CPSF4L: variants seen among roughly 807,000 people sequenced by gnomAD.
CPSF4L encodes putative cleavage and polyadenylation specificity factor subunit 4-like protein.
CPSF4L carries 18 observed loss-of-function variants against 24.0 expected under a neutral mutation model. The observed-to-expected ratio is 0.75, with a 90% CI of 0.52 to 1.11. CPSF4L has a LOEUF of 1.11. Among genes scored for constraint, CPSF4L ranks in the 50% least tolerant of loss-of-function variants. The probability of loss-of-function intolerance (pLI) is 0.00; values close to 1 mark genes in which losing one functional copy is unlikely to be tolerated. For synonymous variants in CPSF4L, 72 were observed against 77.2 expected (o/e 0.93, Z 0.35); for missense variants, 211 against 221.8 (o/e 0.95, Z 0.31).
intron 4 of CPSF4L, 25 bp from the exon 5 acceptor site, chr17:73,252,748 A>C: frequency 6.7e-7 from 1 of 1,492,430 alleles, no homozygotes; most frequent in South Asian, 1.2e-5. Flanking sequence ...GAAAGTGATG[A>C]GAAGGATCCG....
At chr17:73,245,040 T>C (rs2061927027), downstream of CPSF4L, 1 of 801,328 alleles carries the variant, frequency 1.2e-6, no homozygotes, top group African/African-American at 1.8e-5. Flanking sequence ...AACAAACTTC[T>C]CATTGTGCTT....
Position 73,252,829 on chromosome 17 carries a change from C to T in CPSF4L, c.404-106G>A, listed in dbSNP as rs1054661445. ...GGTGTGGATGGTCATAGGGGCTTCA[C>T]TTAATAGGGGTGGATAAATCTTCCC... On this transcript the variant is annotated intron_variant, in intron 4 of 5. Transcript: ENST00000344935. 6 of 666,594 alleles carry T rather than the reference C, an allele frequency of 9.0e-6. No individual in the cohort carries two copies. In the African/African-American group the frequency reaches 1.1e-4, roughly 12 times the overall value. The allele number at this position is 666,594 out of a possible 1,614,324, so 41.3% of individuals were successfully genotyped here. A position where few individuals can be genotyped will look rare whatever the true frequency, so the allele number is the denominator to read the frequency against.
At chr17:73,243,606 G>A (rs2061892044), downstream of CPSF4L, among the ~76,000 whole-genome samples, 1 of 143,110 alleles carries the variant, frequency 7.0e-6, no homozygotes, top group Non-Finnish European at 1.5e-5. Flanking sequence ...TCAGCTCACT[G>A]TAACCTCTGC....
downstream of CPSF4L, chr17:73,247,664 CAAGTTT>C: frequency 5.0e-6 from 1 of 200,028 alleles, no homozygotes; most frequent in Admixed American, 5.4e-5. Flanking sequence ...CTTGTATTGC[CAAGTTT>C]AAGGCAAAGG....
At chr17:73,262,708 T>A (rs2062052030), upstream of CPSF4L, among the ~76,000 whole-genome samples, 1 of 152,252 alleles carries the variant, frequency 6.6e-6, no homozygotes, top group South Asian at 2.1e-4. Context: ...CCCCTCCCCC[T>A]GCTCTGGCCC....
intron 2 of CPSF4L, among the ~76,000 whole-genome samples, chr17:73,259,555 T>C (rs934805867): frequency 2.0e-5 from 3 of 152,112 alleles, no homozygotes; most frequent in African/African-American, 7.2e-5. Context: ...TCCACCATAA[T>C]AGCTTTCTTT....
chr17:73,250,271 T>C, intron 5 of CPSF4L: 2 of 1,550,770 alleles, frequency 1.3e-6, no homozygotes, highest in Non-Finnish European at 1.7e-6. Context: ...TGAGTCTTAC[T>C]GTACTTACTG....
At chr17:73,246,741 T>C (rs756363570), downstream of CPSF4L, among the ~76,000 whole-genome samples, 8 of 152,222 alleles carry the variant, frequency 5.3e-5, no homozygotes, top group African/African-American at 1.4e-4. Context: ...AATATATCCC[T>C]GTATCCTAGA....
Position 73,257,849 on chromosome 17 carries a change from C to T in CPSF4L, c.155-16G>A. 2 of 1,550,780 alleles carry T rather than the reference C, an allele frequency of 1.3e-6. No homozygotes were observed. On this transcript the variant is annotated splice_polypyrimidine_tract_variant and intron_variant, in intron 2 of 5. Coordinates refer to ENST00000344935, the MANE Select transcript of CPSF4L (RefSeq NM_001129885.1). ...CAGAGTTTCCCTGGAGATGCCAGAG[C>T]ACCTGGCTGGGAGGCCCCTCATCCA...
chr17:73,262,630 C>G (rs1014567250), upstream of CPSF4L, among the ~76,000 whole-genome samples: 1 of 152,218 alleles, frequency 6.6e-6, no homozygotes, highest in South Asian at 2.1e-4. Flanking sequence ...CCACCCCTGC[C>G]TGCAGGGCTG....
At chr17:73,247,360 A>C (rs535085995), downstream of CPSF4L, 3 of 1,613,790 alleles carry the variant, frequency 1.9e-6, no homozygotes, top group African/African-American at 4.0e-5. Flanking sequence ...TTTAAGTAGG[A>C]GAAGCCTTCG....
downstream of CPSF4L, among the ~76,000 whole-genome samples, chr17:73,246,493 G>A (rs1599403510): frequency 6.6e-6 from 1 of 152,214 alleles, no homozygotes; most frequent in East Asian, 1.9e-4. Context: ...CTGAGATTGT[G>A]CCATTGCATT....
chr17:73,247,108 A>G (rs2061961099), downstream of CPSF4L: 2 of 752,764 alleles, frequency 2.7e-6, no homozygotes, highest in South Asian at 1.7e-5. Context: ...GTCAAAATGT[A>G]CAAAAACAAG....
intron 5 of CPSF4L, chr17:73,250,314 A>G (rs1157852621): frequency 1.7e-5 from 27 of 1,550,434 alleles, no homozygotes; most frequent in East Asian, 1.5e-4. Context: ...ACAAAAACAG[A>G]AAAAGTGAAT....
chr17:73,254,136 T>C lies in CPSF4L; in HGVS notation c.308-110A>G, dbSNP rs547454365. 3.9e-6 allele frequency: 3 copies of C among 770,530 alleles called. No individual in the cohort carries two copies. In the East Asian group the frequency reaches 8.1e-5, roughly 21 times the overall value. The allele number at this position is 770,530 out of a possible 1,614,324, so 47.7% of individuals were successfully genotyped here. A position where few individuals can be genotyped will look rare whatever the true frequency, so the allele number is the denominator to read the frequency against. On this transcript the variant is annotated intron_variant, in intron 3 of 5. Transcript: ENST00000344935. ...CAAACACAGAAGACACTGGCCTTTA[T>C]TCTGGGAGTCACCAGCTTTTTGAAG...
At chr17:73,250,256 T>C in intron 5 of CPSF4L, 1 of 1,550,512 alleles carries the variant, frequency 6.4e-7, no homozygotes, top group Non-Finnish European at 8.7e-7. Context: ...ATAACTCCTA[T>C]CAGTTGAGTC....
intron 5 of CPSF4L, among the ~76,000 whole-genome samples, chr17:73,252,007 G>A (rs992958528): frequency 6.6e-6 from 1 of 152,226 alleles, no homozygotes; most frequent in African/African-American, 2.4e-5. Context: ...ACATATATGT[G>A]TCCCACATGC....
At chr17:73,247,445 A>G (rs2061967958), downstream of CPSF4L, 1 of 1,132,868 alleles carries the variant, frequency 8.8e-7, no homozygotes, top group African/African-American at 1.5e-5. Context: ...TAGTGGTAGC[A>G]TTAAGGGATA....
chr17:73,243,720 G>C (rs1039821186), downstream of CPSF4L, among the ~76,000 whole-genome samples: 1 of 151,988 alleles, frequency 6.6e-6, no homozygotes, highest in South Asian at 2.1e-4. Context: ...TTTTAGTAGA[G>C]ACAGGGTTTT....
Sources: allele counts gnomAD v4.1 joint callset (sites outside exome capture counted in the v4.1 genomes callset), GRCh38; gene constraint gnomAD v4.1.1; transcripts MANE v1.5; gene names NCBI Gene and HGNC (gene_info 2026-07-23, HGNC 2026-07-21).